CAPN14: variants seen among roughly 807,000 people sequenced by gnomAD.
The protein encoded by CAPN14 is calpain-14.
In CAPN14, 94 loss-of-function variants were observed where a neutral mutation model predicts 101.3. The observed-to-expected ratio is 0.93, with a 90% CI of 0.79 to 1.10. CAPN14 has a LOEUF of 1.10. Among genes scored for constraint, CAPN14 ranks in the 50% least tolerant of loss-of-function variants. The pLI, the probability that CAPN14 is intolerant of heterozygous loss-of-function variation, is 0.00. For missense variants in CAPN14, 837 were observed against 828.4 expected (o/e 1.01, Z -0.13); for synonymous variants, 338 against 317.9 (o/e 1.06, Z -0.67).
intron 21 of CAPN14, among the ~76,000 whole-genome samples, chr2:31,175,283 G>A (rs1010997586): frequency 1.3e-5 from 2 of 152,230 alleles, no homozygotes; most frequent in East Asian, 3.9e-4. Context: ...CTGAGCCACA[G>A]ATGGTCAGAG....
At chr2:31,217,828 T>C (rs1437941626), upstream of CAPN14, among the ~76,000 whole-genome samples, 1 of 152,208 alleles carries the variant, frequency 6.6e-6, no homozygotes. Context: ...CACATGATAC[T>C]GCTTGCTCAC....
chr2:31,182,752 C>T (rs1558613349), intron 16 of CAPN14, among the ~76,000 whole-genome samples: 1 of 151,142 alleles, frequency 6.6e-6, no homozygotes, highest in Admixed American at 6.6e-5. Context: ...TGAAAATGGC[C>T]ATACTGCCTA....
intron 16 of CAPN14, among the ~76,000 whole-genome samples, chr2:31,185,279 C>T (rs1017821413): frequency 1.3e-5 from 2 of 152,118 alleles, no homozygotes; most frequent in Non-Finnish European, 2.9e-5. Flanking sequence ...AATTATCCCT[C>T]TAGTTTTATA....
rs190676448 is a variant in CAPN14 at position 31,176,629 on chromosome 2, G to A, written c.1986C>T (p.Asn662=). The part of the protein sequence containing the change: ...RVENMEDVFQ[N]LTQDGKGIYL... The stretch of plus-strand genomic sequence containing the variant: ...ATATCCCTTTGCCATCTTGGGTTAA[G>A]TTTTGGAAGACATCTGTGAAAATGC... The change falls in exon 21 of 22, where the codon AAC becomes AAT. Residue 662 remains asparagine, a synonymous_variant. Coordinates refer to ENST00000403897, the MANE Select transcript of CAPN14 (RefSeq NM_001145122.2). The A allele has an allele frequency of 6.0e-5, 93 of 1,551,604 alleles. 1 individual carries two copies. The African/African-American group carries it at 9.8e-4, about 16-fold the overall frequency.
intron 21 of CAPN14, 65 bp from the exon 22 acceptor site, chr2:31,174,772 C>CGT: frequency 6.8e-7 from 1 of 1,470,232 alleles, no homozygotes; most frequent in South Asian, 1.2e-5. Context: ...GCCTCCCCAT[C>CGT]CCACACTCCT....
chr2:31,188,457 A>C, intron 13 of CAPN14, 103 bp from the exon 14 acceptor site: 2 of 965,354 alleles, frequency 2.1e-6, no homozygotes, highest in South Asian at 2.8e-5. Flanking sequence ...TCCTTCACTG[A>C]GGCACCACAA....
chr2:31,216,985 A>G (rs1682674860), intron 1 of CAPN14, among the ~76,000 whole-genome samples: 1 of 152,198 alleles, frequency 6.6e-6, no homozygotes, highest in South Asian at 2.1e-4. Context: ...AACAGAGAAC[A>G]GTCGGCCTCC....
intron 1 of CAPN14, among the ~76,000 whole-genome samples, chr2:31,214,432 T>C (rs1489437357): frequency 6.6e-6 from 1 of 152,198 alleles, no homozygotes; most frequent in African/African-American, 2.4e-5. Context: ...TTAGGGCTCC[T>C]TTCCTGGGTG....
rs533126181 is a variant in CAPN14 at position 31,188,441 on chromosome 2, C to T, written c.1494-87G>A. On this transcript the variant is annotated intron_variant, in intron 13 of 21. Coordinates refer to ENST00000403897, the MANE Select transcript of CAPN14 (RefSeq NM_001145122.2). ...TCCCCTTCTCCTGGGAGCTCGTCTT[C>T]CACGTTCCTTCACTGAGGCACCACA... 15 of 1,244,586 alleles carry T rather than the reference C, an allele frequency of 1.2e-5. No individual in the cohort carries two copies. The Admixed American group carries it at 2.6e-4, about 21-fold the overall frequency. 77.1% of individuals were successfully genotyped at this position (1,244,586 alleles called of 1,614,324 possible).
Position 31,174,707 on chromosome 2 carries a change from A to C in CAPN14, c.2029T>G (p.Trp677Gly). 6.4e-7 allele frequency: 1 copy of C among 1,551,618 alleles called. No individual in the cohort carries two copies. The change falls in exon 22 of 22, where the codon TGG becomes GGG. Residue 677 changes from tryptophan (W) to glycine (G), a missense_variant and splice_region_variant. Coordinates refer to ENST00000403897, the MANE Select transcript of CAPN14 (RefSeq NM_001145122.2). ...CAGGAGTACAGTGCCATCATCATCC[A>C]CTGGACATGTTGGGAAAGCAAATGA... ...GKGIYLQKPE[W>G]MMMALYS
At chr2:31,183,080 T>C (rs1390956789) in intron 16 of CAPN14, among the ~76,000 whole-genome samples, 5 of 152,172 alleles carry the variant, frequency 3.3e-5, no homozygotes, top group South Asian at 2.1e-4. Flanking sequence ...AAACAAACAA[T>C]GGGGAAAGGA....
chr2:31,191,833 A>G, intron 11 of CAPN14, 102 bp downstream of exon 11: 1 of 1,185,316 alleles, frequency 8.4e-7, no homozygotes, highest in Non-Finnish European at 1.2e-6. Flanking sequence ...AGGTCTGTGA[A>G]CAGAGACAGA....
chr2:31,196,579 C>G (rs1021356766), intron 8 of CAPN14, among the ~76,000 whole-genome samples: 1 of 144,594 alleles, frequency 6.9e-6, no homozygotes, highest in African/African-American at 2.6e-5. Flanking sequence ...CTCTGAAGAC[C>G]TGTAAAGGAT....
intron 21 of CAPN14, 93 bp from the exon 22 acceptor site, chr2:31,174,800 G>T: frequency 8.5e-7 from 1 of 1,180,370 alleles, no homozygotes; most frequent in Non-Finnish European, 1.2e-6. Flanking sequence ...CATGGAGACA[G>T]AACATTAATG....
At chr2:31,186,573 T>A in intron 15 of CAPN14, 88 bp from the exon 16 acceptor site, 1 of 963,256 alleles carries the variant, frequency 1.0e-6, no homozygotes, top group Non-Finnish European at 1.5e-6. Flanking sequence ...GCCATGAAAT[T>A]AAACTGGGAT....
chr2:31,193,487 G>GT (rs1681312490), intron 9 of CAPN14, among the ~76,000 whole-genome samples, 193 bp from the exon 10 acceptor site: 1 of 151,794 alleles, frequency 6.6e-6, no homozygotes, highest in Non-Finnish European at 1.5e-5. Context: ...AGGGTCCATC[G>GT]TGGGGGGCTG....
In CAPN14 at chr2:31,230,277, T is replaced by C. The variant is rs1029846163; in HGVS notation, c.-177+3514A>G. Among the ~76,000 whole-genome samples the C allele has an allele frequency of 6.6e-6, 1 of 152,240 alleles. No individual in the cohort carries two copies. Among genetic ancestry groups the C allele is most frequent in the African/African-American group, 2.4e-5 (1 of 41,464 alleles). On this transcript the variant is annotated intron_variant and NMD_transcript_variant, in intron 1 of 21. Coordinates refer to the CAPN14 transcript ENST00000398824. The surrounding 1 kb of genome is among the most constrained non-coding windows in gnomAD (Gnocchi z 4.3). Reference sequence around the variant, plus strand: ...ACTCGGTGAAGGACATTTAGTTGTTTATAAATTTTTGCTGCTACAAATAAT... The same window carrying C: ...ACTCGGTGAAGGACATTTAGTTGTTCATAAATTTTTGCTGCTACAAATAAT...
upstream of CAPN14, among the ~76,000 whole-genome samples, chr2:31,219,655 G>T (rs79856585): frequency 4.6e-5 from 7 of 152,352 alleles, no homozygotes; most frequent in East Asian, 1.4e-3. Flanking sequence ...CAAAGAAGAG[G>T]GAAATGCATT....
intron 2 of CAPN14, among the ~76,000 whole-genome samples, chr2:31,222,567 G>T (rs1302506442): frequency 6.6e-6 from 1 of 152,172 alleles, no homozygotes; most frequent in Non-Finnish European, 1.5e-5. Context: ...TCAATTGTTT[G>T]TTTTGTAATG....
Sources: gnomAD v4.1 joint callset for allele counts (sites outside exome capture counted in the v4.1 genomes callset) on GRCh38, gnomAD v4.1.1 for gene constraint, Gnocchi (gnomAD v3.1) non-coding constraint, MANE v1.5 for transcripts, NCBI Gene and HGNC (gene_info 2026-07-23, HGNC 2026-07-21) for gene names.